The following ARMH3 variants were observed in gnomAD, a reference collection of about 807,000 sequenced individuals.
The protein encoded by ARMH3 is armadillo like helical domain containing 3.
A neutral mutation model predicts 99.1 loss-of-function variants in ARMH3; 60 were observed. The observed-to-expected ratio is 0.61, with a 90% confidence interval of 0.49 to 0.75. The LOEUF is 0.75. Among genes scored for constraint, ARMH3 ranks in the 30% least tolerant of loss-of-function variants. The pLI is 0.00. For missense variants in ARMH3, 679 were observed against 843.1 expected (o/e 0.81, Z 2.41); for synonymous variants, 285 against 292.8 (o/e 0.97, Z 0.27).
At chr10:102,021,896 G>GT (rs1450070706) in intron 8 of ARMH3, among the ~76,000 whole-genome samples, 1 of 151,688 alleles carries the variant, frequency 6.6e-6, no homozygotes. Flanking sequence ...TACTATTTGA[G>GT]TAAGACTGGT....
intron 20 of ARMH3, among the ~76,000 whole-genome samples, chr10:101,973,470 A>C (rs932810737): frequency 2.0e-5 from 3 of 152,202 alleles, no homozygotes; most frequent in African/African-American, 7.2e-5. Flanking sequence ...TGACTATAAT[A>C]ACACAAAGAA....
At chr10:102,011,514 T>C (rs1055222974) in intron 11 of ARMH3, among the ~76,000 whole-genome samples, 2 of 151,580 alleles carry the variant, frequency 1.3e-5, no homozygotes, top group Non-Finnish European at 2.9e-5. Context: ...TGAATCTCAC[T>C]AAAGGTACAT....
At chr10:101,971,827 C>T (rs1288867616) in intron 20 of ARMH3, among the ~76,000 whole-genome samples, 1 of 152,152 alleles carries the variant, frequency 6.6e-6, no homozygotes, top group African/African-American at 2.4e-5. Flanking sequence ...AGTTTTCTAC[C>T]TCTATCAGTG....
chr10:102,005,240 G>A (rs575115501), intron 14 of ARMH3, among the ~76,000 whole-genome samples: 4 of 151,902 alleles, frequency 2.6e-5, no homozygotes, highest in South Asian at 2.1e-4. Flanking sequence ...AAAATTAGCC[G>A]GGCATTGTGG....
At chr10:101,863,033 G>A (rs2066910531) in intron 24 of ARMH3, among the ~76,000 whole-genome samples, 1 of 152,080 alleles carries the variant, frequency 6.6e-6, no homozygotes, top group Non-Finnish European at 1.5e-5. Flanking sequence ...GAGAAACCCT[G>A]TCTCTACTAA....
chr10:101,876,143 G>C (rs1260026909), intron 24 of ARMH3, among the ~76,000 whole-genome samples: 1 of 151,506 alleles, frequency 6.6e-6, no homozygotes, highest in African/African-American at 2.4e-5. Context: ...CAGCTACTCA[G>C]GAGGCTGAGG....
intron 24 of ARMH3, among the ~76,000 whole-genome samples, chr10:101,879,949 C>T (rs1469284963): frequency 6.6e-6 from 1 of 152,188 alleles, no homozygotes; most frequent in South Asian, 2.1e-4. Context: ...CCACTTCTGA[C>T]GTGTCTTTCT....
At chr10:101,981,560 T>C (rs534305717) in intron 19 of ARMH3, among the ~76,000 whole-genome samples, 91 of 152,360 alleles carry the variant, frequency 6.0e-4, no homozygotes, top group African/African-American at 2.1e-3. Flanking sequence ...TCTCCAGATA[T>C]TTTCATAGCA....
chr10:101,957,804 T>C, intron 20 of ARMH3, 72 bp from the exon 21 acceptor site: 1 of 1,485,840 alleles, frequency 6.7e-7, no homozygotes, highest in African/African-American at 1.4e-5. Context: ...AAAAACAGAC[T>C]AGCTCTAAAA....
intron 20 of ARMH3, among the ~76,000 whole-genome samples, chr10:101,964,160 G>A (rs1332953105): frequency 1.3e-5 from 2 of 152,196 alleles, no homozygotes; most frequent in African/African-American, 4.8e-5. Flanking sequence ...GCAGGTGTAA[G>A]CCACTGCGCC....
intron 4 of ARMH3, among the ~76,000 whole-genome samples, chr10:102,030,653 G>A (rs2067106923): frequency 1.3e-5 from 2 of 152,092 alleles, no homozygotes; most frequent in Admixed American, 1.3e-4. Flanking sequence ...ATGTTGCAGT[G>A]AGCCGAGATC....
intron 1 of ARMH3, among the ~76,000 whole-genome samples, chr10:102,049,764 C>T (rs750817994): frequency 4.0e-5 from 6 of 151,640 alleles, no homozygotes; most frequent in Non-Finnish European, 8.8e-5. Flanking sequence ...ACCATGTTGC[C>T]CAGGTTGGTC....
chr10:101,918,698 T>C (rs1005983058), intron 23 of ARMH3, among the ~76,000 whole-genome samples: 3 of 152,352 alleles, frequency 2.0e-5, no homozygotes, highest in South Asian at 4.1e-4. Flanking sequence ...TGGAGCAATT[T>C]AATCTGGCAA....
At chr10:101,918,845 C>T (rs1843192484) in intron 23 of ARMH3, among the ~76,000 whole-genome samples, 2 of 152,090 alleles carry the variant, frequency 1.3e-5, no homozygotes, top group Admixed American at 6.5e-5. Context: ...AATTGACAGG[C>T]TTAGTAGAAC....
At chr10:101,935,634 T>C (rs1182266754) in intron 23 of ARMH3, among the ~76,000 whole-genome samples, 1 of 152,186 alleles carries the variant, frequency 6.6e-6, no homozygotes, top group Non-Finnish European at 1.5e-5. Flanking sequence ...ACTGGCAAAC[T>C]AGTCTGGAAG....
At chr10:101,881,350 C>A (rs2067412169) in intron 24 of ARMH3, among the ~76,000 whole-genome samples, 1 of 152,080 alleles carries the variant, frequency 6.6e-6, no homozygotes, top group Non-Finnish European at 1.5e-5. Context: ...GAAAAGAACA[C>A]CACCTTCAAG....
At chr10:101,963,798 A>G (rs1430574749) in intron 20 of ARMH3, among the ~76,000 whole-genome samples, 1 of 151,676 alleles carries the variant, frequency 6.6e-6, no homozygotes, top group Non-Finnish European at 1.5e-5. Flanking sequence ...GGTCAACTTA[A>G]AATAAGGTGG....
At chr10:101,913,287 T>G (rs1204123404) in intron 23 of ARMH3, 1 of 151,144 alleles carries the variant, frequency 6.6e-6, no homozygotes, top group South Asian at 2.1e-4. Context: ...GGCCAGGAAT[T>G]CTTGGTCTAG....
intron 24 of ARMH3, among the ~76,000 whole-genome samples, chr10:101,866,784 C>T (rs1193152509): frequency 6.6e-6 from 1 of 152,094 alleles, no homozygotes; most frequent in Non-Finnish European, 1.5e-5. Flanking sequence ...ACAAATTTGG[C>T]TTTAAAAATG....
Sources: gnomAD v4.1 joint callset for allele counts (sites outside exome capture counted in the v4.1 genomes callset) on GRCh38, gnomAD v4.1.1 for gene constraint, MANE v1.5 for transcripts, NCBI Gene and HGNC (gene_info 2026-07-23, HGNC 2026-07-21) for gene names.